ECT2: variants seen among roughly 807,000 people sequenced by gnomAD.
ECT2 encodes epithelial cell transforming 2.
ECT2 carries 61 observed loss-of-function variants against 116.9 expected under a neutral mutation model. That is an observed-to-expected ratio of 0.52 (90% CI 0.42 to 0.65). ECT2 has a LOEUF of 0.65. Ranked by LOEUF, ECT2 falls within the 30% of genes least tolerant of loss-of-function variation. The pLI, the probability that ECT2 is intolerant of heterozygous loss-of-function variation, is 0.00. For synonymous variants in ECT2, 358 were observed against 346.4 expected, an observed-to-expected ratio of 1.03 and a Z score of -0.37; for missense variants, 937 against 1,078.7, an observed-to-expected ratio of 0.87 and a Z score of 1.84.
At chr3:172,778,827 C>T (rs779029575) in intron 14 of ECT2, among the ~76,000 whole-genome samples, 1 of 151,992 alleles carries the variant, frequency 6.6e-6, no homozygotes, top group Non-Finnish European at 1.5e-5. Context: ...GAACTCCTGA[C>T]CTTGTGATCT....
chr3:172,813,929 A>G (rs1729234952), intron 22 of ECT2, among the ~76,000 whole-genome samples: 1 of 152,142 alleles, frequency 6.6e-6, no homozygotes, highest in Non-Finnish European at 1.5e-5. Flanking sequence ...GTGTAGAAAT[A>G]TATCTCTTAA....
intron 14 of ECT2, among the ~76,000 whole-genome samples, chr3:172,781,243 G>GT (rs1576930335): frequency 6.6e-6 from 1 of 152,044 alleles, no homozygotes; most frequent in African/African-American, 2.4e-5. Flanking sequence ...TAGTATTGTA[G>GT]TTTTTTTACT....
intron 6 of ECT2, among the ~76,000 whole-genome samples, 198 bp from the exon 7 acceptor site, chr3:172,759,958 C>G (rs1336883643): frequency 6.6e-6 from 1 of 152,172 alleles, no homozygotes; most frequent in East Asian, 1.9e-4. Flanking sequence ...AATCCCACCT[C>G]TATAATTTTG....
intron 14 of ECT2, among the ~76,000 whole-genome samples, chr3:172,780,654 A>G (rs1190874619): frequency 1.3e-5 from 2 of 152,212 alleles, no homozygotes; most frequent in African/African-American, 4.8e-5. Flanking sequence ...GCTCAGACCC[A>G]TCAGTTGTTA....
chr3:172,784,921 T>G lies in ECT2; in HGVS notation c.1825+118T>G, dbSNP rs529837865. 8 of 610,124 alleles carry G rather than the reference T, an allele frequency of 1.3e-5. No homozygotes were observed. The East Asian group carries it at 2.0e-4, about 16-fold the overall frequency. The allele number at this position is 610,124 out of a possible 1,614,324, so 37.8% of individuals were successfully genotyped here. On this transcript the variant is annotated intron_variant, in intron 17 of 24. Transcript: ENST00000392692. ...TTAGATTTCAGCATTAAAGTTTATA[T>G]ATGTTTTGCTTTATGGATTATCTTA...
chr3:172,817,645 C>G (rs1485334980), intron 24 of ECT2, among the ~76,000 whole-genome samples: 1 of 151,952 alleles, frequency 6.6e-6, no homozygotes, highest in African/African-American at 2.4e-5. Context: ...CCTGAACAAT[C>G]CAAATTTCCA....
At chr3:172,774,836 T>C (rs1171929313) in intron 14 of ECT2, among the ~76,000 whole-genome samples, 1 of 152,196 alleles carries the variant, frequency 6.6e-6, no homozygotes, top group Non-Finnish European at 1.5e-5. Context: ...CAGTTAATCC[T>C]ACAAACAAGT....
At chr3:172,774,142 A>G (rs1429025098) in intron 14 of ECT2, 120 bp downstream of exon 14, 18 of 862,294 alleles carry the variant, frequency 2.1e-5, no homozygotes, top group Non-Finnish European at 2.9e-5. Flanking sequence ...TTATTCCCTT[A>G]TTAGTTCCTT....
chr3:172,764,038 A>G (rs1718847937), intron 11 of ECT2, among the ~76,000 whole-genome samples: 1 of 152,218 alleles, frequency 6.6e-6, no homozygotes. Flanking sequence ...AAGTTTACAG[A>G]TGAAAATATA....
At chr3:172,816,992 A>T (rs1377260547) in intron 24 of ECT2, among the ~76,000 whole-genome samples, 155 bp downstream of exon 24, 1 of 152,176 alleles carries the variant, frequency 6.6e-6, no homozygotes, top group Non-Finnish European at 1.5e-5. Context: ...TTTGAATGCG[A>T]ATCAATGTAA....
At chr3:172,825,936 C>T (rs1363144595), downstream of ECT2, among the ~76,000 whole-genome samples, 1 of 152,208 alleles carries the variant, frequency 6.6e-6, no homozygotes, top group African/African-American at 2.4e-5. Context: ...ACTCATTGCC[C>T]AAGCTGGAGT....
intron 23 of ECT2, among the ~76,000 whole-genome samples, chr3:172,816,052 CCTGA>C (rs2109336827): frequency 6.6e-6 from 1 of 152,182 alleles, no homozygotes; most frequent in African/African-American, 2.4e-5. Flanking sequence ...AGTCAGGGGA[CCTGA>C]CTATCTATTC....
At chr3:172,828,720 C>T in the ECT2 span, 2 of 501,194 alleles carry the variant, frequency 4.0e-6, no homozygotes, top group Admixed American at 4.9e-5. Context: ...ACAGGTGGCC[C>T]CCATGGAGCC....
At chr3:172,751,018 C>A (rs918856151) in intron 1 of ECT2, 161 bp downstream of exon 1, 4 of 152,544 alleles carry the variant, frequency 2.6e-5, no homozygotes, top group Non-Finnish European at 4.4e-5. Flanking sequence ...CCGCACCCCA[C>A]CCCCAGCAGC....
chr3:172,793,582 G>C (rs1371134236), intron 18 of ECT2, among the ~76,000 whole-genome samples: 2 of 151,884 alleles, frequency 1.3e-5, no homozygotes, highest in East Asian at 3.9e-4. Context: ...TCCCGCCTCA[G>C]CCTCCCGAGT....
intron 24 of ECT2, chr3:172,818,851 GAAAA>G: frequency 9.7e-7 from 1 of 1,027,232 alleles, no homozygotes; most frequent in Non-Finnish European, 1.2e-6. Context: ...GTATTTGCGG[GAAAA>G]AAAAAAGGAA....
chr3:172,826,737 C>T, the ECT2 span, among the ~76,000 whole-genome samples: 7 of 152,132 alleles, frequency 4.6e-5, no homozygotes, highest in African/African-American at 1.7e-4. Context: ...CAACCACCAG[C>T]CTGATCAGTC....
chr3:172,782,952 C>T (rs1195569492), intron 15 of ECT2, among the ~76,000 whole-genome samples: 4 of 151,844 alleles, frequency 2.6e-5, no homozygotes, highest in South Asian at 4.1e-4. Context: ...CATTGATGGG[C>T]GCTTAGGTTG....
chr3:172,827,776 G>A, the ECT2 span, among the ~76,000 whole-genome samples: 1 of 152,204 alleles, frequency 6.6e-6, no homozygotes, highest in African/African-American at 2.4e-5. Flanking sequence ...CAGGAGGTTT[G>A]AGTTTGAATA....
Sources: gnomAD v4.1 joint callset for allele counts (sites outside exome capture counted in the v4.1 genomes callset) on GRCh38, gnomAD v4.1.1 for gene constraint, MANE v1.5 for transcripts, NCBI Gene and HGNC (gene_info 2026-07-23, HGNC 2026-07-21) for gene names.